IL1RAPL2: variants seen among roughly 807,000 people sequenced by gnomAD.
The protein encoded by IL1RAPL2 is interleukin 1 receptor accessory protein like 2, also known as X-linked interleukin-1 receptor accessory protein-like 2.
Under a neutral mutation model 44.1 loss-of-function variants are expected in IL1RAPL2, and 3 were observed. The observed-to-expected ratio is 0.07, with a 90% CI of 0.03 to 0.18. The LOEUF (loss-of-function observed/expected upper bound fraction) is 0.18. IL1RAPL2 is among the 10% of genes least tolerant of loss of function. The pLI is 1.00. For missense variants in IL1RAPL2, 391 were observed against 496.4 expected (o/e 0.79, Z 2.02); for synonymous variants, 181 against 178.8 (o/e 1.01, Z -0.10).
intron 2 of IL1RAPL2, among the ~76,000 whole-genome samples, chrX:104,965,200 C>T (rs1328775127): frequency 9.0e-6 from 1 of 111,330 alleles, no homozygotes; most frequent in East Asian, 2.8e-4. Context: ...GATTTGGGAT[C>T]GTGATTGCCA....
chrX:104,917,594 G>A (rs1427820680), intron 2 of IL1RAPL2, among the ~76,000 whole-genome samples: 2 of 111,738 alleles, frequency 1.8e-5, no homozygotes, highest in Non-Finnish European at 3.8e-5. Context: ...AATGGACCAG[G>A]CAAAAACAAC....
At chrX:104,907,034 A>C (rs1924036112) in intron 2 of IL1RAPL2, among the ~76,000 whole-genome samples, 1 of 110,069 alleles carries the variant, frequency 9.1e-6, no homozygotes, top group Non-Finnish European at 1.9e-5. Flanking sequence ...GTCTTGGGAG[A>C]GTGTATGTGT....
chrX:105,286,552 G>C (rs1303071947), intron 5 of IL1RAPL2, among the ~76,000 whole-genome samples: 2 of 106,870 alleles, frequency 1.9e-5, no homozygotes, highest in African/African-American at 6.7e-5. Context: ...ATGAGAATCA[G>C]CTGAAGAGCA....
At chrX:104,834,453 T>C (rs1021643946) in intron 2 of IL1RAPL2, among the ~76,000 whole-genome samples, 2 of 111,357 alleles carry the variant, frequency 1.8e-5, no homozygotes, top group Admixed American at 9.6e-5. Context: ...ATAAAGTCAA[T>C]TTGCATTCCC....
chrX:105,187,128 G>A (rs1164811858), intron 2 of IL1RAPL2, among the ~76,000 whole-genome samples: 1 of 111,624 alleles, frequency 9.0e-6, no homozygotes, highest in Non-Finnish European at 1.9e-5. Context: ...AGGAGCCTAC[G>A]CTTACCCTAA....
chrX:105,565,698 T>C (rs1175642529), intron 6 of IL1RAPL2, among the ~76,000 whole-genome samples: 1 of 112,184 alleles, frequency 8.9e-6, no homozygotes, highest in African/African-American at 3.2e-5. Flanking sequence ...TGTGTACCTA[T>C]GTAGTCAGTA....
intron 5 of IL1RAPL2, among the ~76,000 whole-genome samples, chrX:105,386,417 A>G (rs917632950): frequency 1.8e-5 from 2 of 111,399 alleles, no homozygotes; most frequent in Admixed American, 9.6e-5. Context: ...CACCACTTAG[A>G]TTGCAGTGTG....
At chrX:104,747,996 C>T (rs1235954388) in intron 2 of IL1RAPL2, among the ~76,000 whole-genome samples, 3 of 111,302 alleles carry the variant, frequency 2.7e-5, no homozygotes, top group African/African-American at 9.8e-5. Context: ...TGAAATGATT[C>T]TTTATAATTT....
At position 105,767,355 on chromosome X, in the gene IL1RAPL2, C is replaced by T. The variant is rs764258848; in HGVS notation, c.1755C>T (p.Pro585=). The T allele has an allele frequency of 2.3e-5, 28 of 1,210,290 alleles. No individual in the cohort carries two copies. The South Asian group carries it at 4.6e-4, about 20-fold the overall frequency. Residue 585 remains proline, a synonymous_variant, in exon 11 of 11, where the codon CCC becomes CCT. Coordinates refer to ENST00000372582, the MANE Select transcript of IL1RAPL2 (RefSeq NM_017416.2). ...TTTTTGGAGAACTCCAGCCTATACC[C>T]TCTATTGCCATGACCAGTACTTCAG... ...QGLFGELQPI[P]SIAMTSTSAT...
intron 2 of IL1RAPL2, among the ~76,000 whole-genome samples, chrX:104,944,287 C>T (rs1487681911): frequency 1.8e-5 from 2 of 111,910 alleles, no homozygotes; most frequent in Non-Finnish European, 3.8e-5. Flanking sequence ...TTCTAAACAT[C>T]TCCTCTAGAG....
At chrX:105,557,718 C>T (rs1365021238) in intron 6 of IL1RAPL2, among the ~76,000 whole-genome samples, 2 of 110,900 alleles carry the variant, frequency 1.8e-5, no homozygotes, top group Admixed American at 9.6e-5. Flanking sequence ...AATTGTAGCT[C>T]GATGCTGAGT....
At chrX:104,582,822 C>CTCTTTCTT (rs778392028) in intron 1 of IL1RAPL2, among the ~76,000 whole-genome samples, 4,053 of 40,557 alleles carry the variant, frequency 0.1, 290 homozygotes, top group Middle Eastern at 0.15. Context: ...TCCTTTCTTT[C>CTCTTTCTT]TCTTTCTTTC....
intron 2 of IL1RAPL2, among the ~76,000 whole-genome samples, chrX:104,802,795 A>G (rs1281920276): frequency 9.0e-6 from 1 of 111,465 alleles, no homozygotes; most frequent in Non-Finnish European, 1.9e-5. Context: ...GTTTGACTTT[A>G]CAGTCACTGT....
intron 2 of IL1RAPL2, among the ~76,000 whole-genome samples, chrX:105,026,372 A>T (rs1268332402): frequency 9.0e-6 from 1 of 110,669 alleles, no homozygotes; most frequent in Non-Finnish European, 1.9e-5. Flanking sequence ...AGCATCATGC[A>T]GGTGCTCAAA....
At chrX:105,319,447 C>T (rs1018992910) in intron 5 of IL1RAPL2, among the ~76,000 whole-genome samples, 1 of 111,671 alleles carries the variant, frequency 9.0e-6, no homozygotes, top group Admixed American at 9.5e-5. Flanking sequence ...AGGGCAGGAA[C>T]ATCATAACTT....
At chrX:105,519,519 G>A (rs180935881) in intron 6 of IL1RAPL2, among the ~76,000 whole-genome samples, 1 of 111,359 alleles carries the variant, frequency 9.0e-6, no homozygotes, top group African/African-American at 3.3e-5. Flanking sequence ...GCAGCAAAGT[G>A]AGGATTTTGA....
chrX:105,370,825 A>G (rs778281793), intron 5 of IL1RAPL2, among the ~76,000 whole-genome samples: 1 of 112,278 alleles, frequency 8.9e-6, no homozygotes, highest in East Asian at 2.8e-4. Context: ...ATGGCTGAAC[A>G]TGGCTTTCCA....
chrX:105,665,753 T>TTTG (rs1556377999), intron 6 of IL1RAPL2, among the ~76,000 whole-genome samples: 4 of 69,276 alleles, frequency 5.8e-5, no homozygotes, highest in Non-Finnish European at 8.3e-5. Context: ...TTTTTTTTTT[T>TTTG]TTGTTGTTGT....
chrX:105,303,153 T>C lies in IL1RAPL2; in HGVS notation c.697+35612T>C, dbSNP rs765065180. Among the ~76,000 whole-genome samples the C allele has an allele frequency of 4.5e-5, 5 of 112,260 alleles. No individual in the cohort carries two copies. In the South Asian group the frequency reaches 1.1e-3, roughly 25 times the overall value. ...TGATTCAGGACTGTCTTTCATACCC[T>C]CTTTAGTGCCTTTTCCCTTAATATG... On this transcript the variant is annotated intron_variant, in intron 5 of 10. Coordinates refer to ENST00000372582, the MANE Select transcript of IL1RAPL2 (RefSeq NM_017416.2).
Sources: gnomAD v4.1 joint callset for allele counts (sites outside exome capture counted in the v4.1 genomes callset) on GRCh38, gnomAD v4.1.1 for gene constraint, MANE v1.5 for transcripts, NCBI Gene and HGNC (gene_info 2026-07-23, HGNC 2026-07-21) for gene names.